Variants in ZMYM5 observed in about 807,000 individuals in gnomAD.
ZMYM5 encodes zinc finger MYM-type containing 5, also known as zinc finger MYM-type protein 5.
ZMYM5 carries 41 observed loss-of-function variants against 61.8 expected under a neutral mutation model. The ratio of observed to expected loss-of-function variants is 0.66; its 90% confidence interval spans 0.52 to 0.86. ZMYM5 has a LOEUF of 0.86. ZMYM5 is among the 40% of genes least tolerant of loss of function. The probability of loss-of-function intolerance (pLI) is 0.00; values close to 1 mark genes in which losing one functional copy is unlikely to be tolerated. For synonymous variants in ZMYM5, 257 were observed against 276.4 expected (o/e 0.93, Z 0.70); for missense variants, 706 against 786.7 (o/e 0.90, Z 1.23).
chr13:19,832,757 T>A (rs1952566463), intron 7 of ZMYM5, among the ~76,000 whole-genome samples: 3 of 152,036 alleles, frequency 2.0e-5, no homozygotes. Flanking sequence ...TTTAACAATA[T>A]TAAGTCTTTT....
At position 19,824,710 on chromosome 13, in the gene ZMYM5, A is replaced by G; in HGVS notation, c.1777T>C (p.Cys593Arg). The change falls in exon 8 of 8, where the codon TGC becomes CGC. Residue 593 changes from cysteine (C) to arginine (R), a missense_variant. Coordinates refer to ENST00000337963, the MANE Select transcript of ZMYM5 (RefSeq NM_001142684.2). ...TTTTTTCCTTCCCCAAAGAGTTTGC[A>G]ATATAGACAAAACACAGAATCTTTT... ...TSKDSVFCLY[C>R]KLFGEGKNQL... The G allele has an allele frequency of 7.4e-7, 1 of 1,355,386 alleles. No individual in the cohort carries two copies. Among genetic ancestry groups the G allele is most frequent in the Non-Finnish European group, 9.8e-7 (1 of 1,016,974 alleles). The allele number at this position is 1,355,386 out of a possible 1,614,324, so 84.0% of individuals were successfully genotyped here. A position where few individuals can be genotyped will look rare whatever the true frequency, so the allele number is the denominator to read the frequency against.
intron 4 of ZMYM5, 115 bp downstream of exon 4, chr13:19,851,240 A>G (rs1475036491): frequency 2.0e-6 from 2 of 1,002,632 alleles, no homozygotes; most frequent in Admixed American, 4.7e-5. Flanking sequence ...CAAACAAACA[A>G]GCAAACAAAA....
intron 7 of ZMYM5, among the ~76,000 whole-genome samples, chr13:19,828,428 C>T (rs969868872): frequency 6.6e-6 from 1 of 151,276 alleles, no homozygotes; most frequent in Non-Finnish European, 1.5e-5. Flanking sequence ...GAGCTGAGAT[C>T]GTGCCATTGC....
At chr13:19,839,016 A>G (rs1952770153) in intron 4 of ZMYM5, 31 bp from the exon 5 acceptor site, 2 of 1,590,928 alleles carry the variant, frequency 1.3e-6, no homozygotes, top group Non-Finnish European at 1.7e-6. Context: ...AAAATCATGG[A>G]ACAAATCAAA....
chr13:19,838,297 G>A (rs1159050627), intron 5 of ZMYM5, among the ~76,000 whole-genome samples: 1 of 152,184 alleles, frequency 6.6e-6, no homozygotes, highest in East Asian at 1.9e-4. Context: ...AGAATCGCTT[G>A]AACCTGGGAG....
At chr13:19,836,269 CT>C (rs112921694) in intron 6 of ZMYM5, among the ~76,000 whole-genome samples, 22,993 of 144,322 alleles carry the variant, frequency 0.16, 1,956 homozygotes, top group Admixed American at 0.25. Context: ...AGATAATGAA[CT>C]TTTTTTTTTT....
chr13:19,831,787 C>CCA (rs1891230882), intron 7 of ZMYM5, among the ~76,000 whole-genome samples: 1 of 36,690 alleles, frequency 2.7e-5, no homozygotes, highest in East Asian at 9.7e-4. Flanking sequence ...GACTCTGTCT[C>CCA]AAAAAAAAAA....
chr13:19,851,729 T>C lies in ZMYM5; in HGVS notation c.452A>G (p.Asn151Ser). Reference protein sequence around the residue: ...WGLPGTKNKTNDLDFSTSSLS... With the variant: ...WGLPGTKNKTSDLDFSTSSLS... ...ACTGGAAGTGGAGAAATCCAAATCG[T>C]TGGTTTTGTTTTTAGTTCCAGGAAG... Residue 151 changes from asparagine to serine, a missense_variant, in exon 3 of 8, where the codon AAC (asparagine) becomes AGC (serine). Asn to Ser is a conservative substitution (Grantham distance 46). Transcript: ENST00000337963. 3.8e-6 allele frequency: 6 copies of C among 1,582,992 alleles called. 1 individual carries two copies. Among genetic ancestry groups the C allele is most frequent in the Admixed American group, 3.9e-5 (2 of 50,768 alleles).
chr13:19,830,285 T>A (rs1369401778), intron 7 of ZMYM5, among the ~76,000 whole-genome samples: 2 of 152,222 alleles, frequency 1.3e-5, no homozygotes, highest in African/African-American at 4.8e-5. Flanking sequence ...AAAATACTCA[T>A]GTGTTTGGGG....
rs535041796 is a variant in ZMYM5 at position 19,846,508 on chromosome 13, G to T, written c.586+4847C>A. 3.3e-5 allele frequency among the ~76,000 whole-genome samples: 5 copies of T among 152,034 alleles called. No homozygotes were observed. The South Asian group carries it at 1.0e-3, about 32-fold the overall frequency. ...GAAAAATCAGAATTTTTGAAAACTT[G>T]GGGCACATGTTCTCAGGACCTCCTG... On this transcript the variant is annotated intron_variant, in intron 4 of 7. Coordinates refer to ENST00000337963, the MANE Select transcript of ZMYM5 (RefSeq NM_001142684.2).
At chr13:19,829,255 A>C (rs1235038875) in intron 7 of ZMYM5, among the ~76,000 whole-genome samples, 1 of 152,196 alleles carries the variant, frequency 6.6e-6, no homozygotes, top group Non-Finnish European at 1.5e-5. Context: ...TTTTAAAATA[A>C]AAATAAAACA....
intron 5 of ZMYM5, among the ~76,000 whole-genome samples, chr13:19,838,238 C>A (rs7993830): frequency 6.6e-6 from 1 of 151,858 alleles, no homozygotes; most frequent in Admixed American, 6.6e-5. Flanking sequence ...ATTAGCTGGG[C>A]GTGGTGGCGC....
intron 7 of ZMYM5, 66 bp downstream of exon 7, chr13:19,835,411 T>G: frequency 9.1e-7 from 1 of 1,093,156 alleles, no homozygotes; most frequent in South Asian, 1.3e-5. Context: ...TAAATCCGGT[T>G]CATGTAAGAT....
At chr13:19,825,830 C>A (rs1890886673) in intron 7 of ZMYM5, among the ~76,000 whole-genome samples, 1 of 151,924 alleles carries the variant, frequency 6.6e-6, no homozygotes, top group Non-Finnish European at 1.5e-5. Context: ...CAGTTGAGGT[C>A]AGGGGTTTGA....
Position 19,824,437 on chromosome 13 carries a change from T to TA in ZMYM5, c.*39dup. 1 of 1,265,448 alleles carries TA rather than the reference T, an allele frequency of 7.9e-7. No homozygotes were observed. The highest frequency in any genetic ancestry group is 1.5e-5 in the South Asian group (1 of 66,992). The allele number at this position is 1,265,448 out of a possible 1,614,324, so 78.4% of individuals were successfully genotyped here. ...CAGGACAGATGTTTTCTGAGTAATG[T>TA]AAGATTCTGATCATCATGCCAAAAA... On this transcript the variant is annotated 3_prime_UTR_variant, in exon 8 of 8. Transcript: ENST00000337963.
intron 1 of ZMYM5, among the ~76,000 whole-genome samples, chr13:19,862,936 G>A (rs1320524687): frequency 1.3e-5 from 2 of 152,188 alleles, no homozygotes. Context: ...CATTAAACTC[G>A]CCCAGATCAG....
chr13:19,835,556 C>T lies in ZMYM5; in HGVS notation c.1172G>A (p.Ser391Asn). 1 of 1,367,660 alleles carries T rather than the reference C, an allele frequency of 7.3e-7. No individual in the cohort carries two copies. Among genetic ancestry groups the T allele is most frequent in the Non-Finnish European group, 9.8e-7 (1 of 1,021,852 alleles). The allele number at this position is 1,367,660 out of a possible 1,614,324, so 84.7% of individuals were successfully genotyped here. A position where few individuals can be genotyped will look rare whatever the true frequency, so the allele number is the denominator to read the frequency against. ...AATCACCAGGATGTTGTTTCCAGTA[C>T]TCTTACTAGGCATGTACTCTCCACA... ...EHCGEYMPSK[S>N]TGNNILVIGG... Residue 391 changes from serine (S) to asparagine (N), a missense_variant, in exon 7 of 8, where the codon AGT becomes AAT. Around this residue, in one of 2 missense-constraint regions of ZMYM5, gnomAD observed 480 missense variants for 461.7 expected, o/e 1.04. Coordinates refer to ENST00000337963, the MANE Select transcript of ZMYM5 (RefSeq NM_001142684.2).
Position 19,851,769 on chromosome 13 carries a change from A to C in ZMYM5, c.412T>G (p.Phe138Val). The C allele has an allele frequency of 6.2e-7, 1 of 1,604,478 alleles. No individual in the cohort carries two copies. The part of the protein sequence containing the change: ...NGGAEKKSSC[F>V]IEWGLPGTKN... ...GTTCCAGGAAGTCCCCATTCGATAA[A>C]ACAGGAAGACTTTTTCTCTGCTCCT... is the stretch of plus-strand genomic sequence containing the variant. The change falls in exon 3 of 8, where the codon TTT becomes GTT. Residue 138 changes from phenylalanine to valine, a missense_variant. This residue lies in a region of ZMYM5 where 480 missense variants were observed against 461.7 expected (regional missense o/e 1.04). Transcript: ENST00000337963.
At chr13:19,855,837 C>T (rs1487243017) in intron 2 of ZMYM5, among the ~76,000 whole-genome samples, 1 of 150,788 alleles carries the variant, frequency 6.6e-6, no homozygotes, top group Non-Finnish European at 1.5e-5. Flanking sequence ...CGGTGAAAAC[C>T]CATCTCTACT....
Sources: gnomAD v4.1 joint callset for allele counts (sites outside exome capture counted in the v4.1 genomes callset) on GRCh38, gnomAD v4.1.1 for gene constraint, gnomAD v4.1.1 regional missense constraint, MANE v1.5 for transcripts, NCBI Gene and HGNC (gene_info 2026-07-23, HGNC 2026-07-21) for gene names.